BCL11B: variants seen among roughly 807,000 people sequenced by gnomAD.
BCL11B encodes B-cell lymphoma/leukemia 11B.
In BCL11B, 8 loss-of-function variants were observed where a neutral mutation model predicts 49.9. The ratio of observed to expected loss-of-function variants is 0.16; its 90% confidence interval spans 0.09 to 0.29. BCL11B has a LOEUF of 0.29. BCL11B is among the 10% of genes least tolerant of loss of function. The pLI is 1.00. For synonymous variants in BCL11B, 739 were observed against 637.4 expected, an observed-to-expected ratio of 1.16 and a Z score of -2.40; for missense variants, 1,006 against 1,351.0, an observed-to-expected ratio of 0.74 and a Z score of 4.00.
chr14:99,202,554 T>A lies in BCL11B; in HGVS notation c.641-26359A>T, dbSNP rs984771467. ...AATGACAAACAAGACAGCTTCCTCCTGAAGCCATGCGCAAGGCAACGCAAG... is the reference window on the plus strand; with the variant it reads ...AATGACAAACAAGACAGCTTCCTCCAGAAGCCATGCGCAAGGCAACGCAAG... On this transcript the variant is annotated intron_variant, in intron 3 of 3. Transcript: ENST00000357195. 5.3e-5 allele frequency among the ~76,000 whole-genome samples: 8 copies of A among 152,178 alleles called. No individual in the cohort carries two copies. In the South Asian group the frequency reaches 1.0e-3, roughly 20 times the overall value.
chr14:99,217,387 C>CACACACACACATACAG (rs760918347), intron 3 of BCL11B, among the ~76,000 whole-genome samples: 3,392 of 122,830 alleles, frequency 0.028, 45 homozygotes, highest in Non-Finnish European at 0.044. Flanking sequence ...CACATACAGA[C>CACACACACACATACAG]ACACACACAC....
At chr14:99,249,970 T>TA in intron 2 of BCL11B, among the ~76,000 whole-genome samples, 1 of 149,368 alleles carries the variant, frequency 6.7e-6, no homozygotes, top group African/African-American at 2.5e-5. Context: ...TCACTAAAAC[T>TA]ACAAAAATTA....
intron 1 of BCL11B, among the ~76,000 whole-genome samples, chr14:99,268,379 G>C (rs894943928): frequency 1.3e-5 from 2 of 152,094 alleles, no homozygotes; most frequent in Non-Finnish European, 2.9e-5. Flanking sequence ...ATCCCTGAAG[G>C]ACCTGAGGTT....
intron 2 of BCL11B, among the ~76,000 whole-genome samples, chr14:99,236,341 G>C (rs1888498029): frequency 6.6e-6 from 1 of 152,094 alleles, no homozygotes; most frequent in Admixed American, 6.5e-5. Flanking sequence ...GAGCGTGAGG[G>C]GGAAAAGAAA....
chr14:99,235,593 T>C (rs1888471861), intron 2 of BCL11B, among the ~76,000 whole-genome samples: 1 of 152,248 alleles, frequency 6.6e-6, no homozygotes, highest in East Asian at 1.9e-4. Context: ...AATATTCATC[T>C]CTGAGGCTCA....
rs1457357583 is a variant in BCL11B at position 99,174,044 on chromosome 14, G to A, written c.*107C>T. 13 of 1,179,292 alleles carry A rather than the reference G, an allele frequency of 1.1e-5. No homozygotes were observed. Among genetic ancestry groups the A allele is most frequent in the Admixed American group, 4.4e-5 (2 of 45,022 alleles). The allele number at this position is 1,179,292 out of a possible 1,614,324, so 73.1% of individuals were successfully genotyped here. On this transcript the variant is annotated 3_prime_UTR_variant, in exon 4 of 4. Transcript: ENST00000357195. ...AGTGCCGCCTCCCCTGGGCCCCGGG[G>A]ACACGCGGGGTGCGGGGTGGCGGTG...
chr14:99,250,383 G>A (rs980235022), intron 2 of BCL11B, among the ~76,000 whole-genome samples: 1 of 151,996 alleles, frequency 6.6e-6, no homozygotes, highest in African/African-American at 2.4e-5. Context: ...AGCTGAGATC[G>A]CGCCCTTGCA....
chr14:99,217,193 T>C (rs1331411027), intron 3 of BCL11B, among the ~76,000 whole-genome samples: 2 of 152,176 alleles, frequency 1.3e-5, no homozygotes, highest in African/African-American at 4.8e-5. Flanking sequence ...CTCACATGTA[T>C]ACACATGCAT....
At chr14:99,227,749 G>A (rs765799249) in intron 3 of BCL11B, among the ~76,000 whole-genome samples, 1 of 152,206 alleles carries the variant, frequency 6.6e-6, no homozygotes, top group Non-Finnish European at 1.5e-5. Flanking sequence ...CCCCTGGCCA[G>A]CTGAAGCACA....
chr14:99,265,665 A>T (rs1309272986), intron 1 of BCL11B, among the ~76,000 whole-genome samples: 1 of 152,218 alleles, frequency 6.6e-6, no homozygotes, highest in Non-Finnish European at 1.5e-5. Context: ...TGAGTGGTCC[A>T]GTGAGCTCGC....
chr14:99,219,019 C>T (rs1166639252), intron 3 of BCL11B, among the ~76,000 whole-genome samples: 1 of 151,146 alleles, frequency 6.6e-6, no homozygotes, highest in African/African-American at 2.4e-5. Context: ...TGAGAAAATA[C>T]ATTTCTTTTC....
chr14:99,260,445 T>G (rs1480999548), intron 1 of BCL11B, among the ~76,000 whole-genome samples: 2 of 152,172 alleles, frequency 1.3e-5, no homozygotes, highest in Non-Finnish European at 2.9e-5. Context: ...CCCTCCTGAG[T>G]AGGAGTTCTA....
intron 3 of BCL11B, among the ~76,000 whole-genome samples, chr14:99,190,674 G>A (rs2139795985): frequency 6.6e-6 from 1 of 152,302 alleles, no homozygotes; most frequent in South Asian, 2.1e-4. Flanking sequence ...AACACACACT[G>A]CCAAAACCAC....
chr14:99,203,349 T>C (rs1371070038), intron 3 of BCL11B, among the ~76,000 whole-genome samples: 1 of 152,186 alleles, frequency 6.6e-6, no homozygotes, highest in African/African-American at 2.4e-5. Context: ...TGAAAAGATC[T>C]CACTTGACCC....
At chr14:99,176,638 A>G (rs1886542975) in intron 3 of BCL11B, among the ~76,000 whole-genome samples, 1 of 152,204 alleles carries the variant, frequency 6.6e-6, no homozygotes, top group East Asian at 1.9e-4. Flanking sequence ...AGGGCTTCTC[A>G]GTCAAGGCAC....
chr14:99,217,917 C>G (rs1424143936), intron 3 of BCL11B, among the ~76,000 whole-genome samples: 3 of 152,162 alleles, frequency 2.0e-5, no homozygotes, highest in African/African-American at 7.2e-5. Context: ...TTAAAAGATG[C>G]AAACTAAAAA....
Position 99,175,228 on chromosome 14 carries a change from C to CTCCTCG in BCL11B, c.1602_1607dup (p.Asp534_Glu535dup). 6.5e-7 allele frequency: 1 copy of CTCCTCG among 1,548,980 alleles called. No individual in the cohort carries two copies. Among genetic ancestry groups the CTCCTCG allele is most frequent in the Non-Finnish European group, 8.7e-7 (1 of 1,150,070 alleles). ...GCAGCTCCTCCTCCTCCTCCTCCTC[C>CTCCTCG]TCCTCGTCCTCCTCCTCCGGCTCGT... is the stretch of plus-strand genomic sequence containing the variant. On this transcript the variant is annotated inframe_insertion, in exon 4 of 4. Coordinates refer to ENST00000357195, the MANE Select transcript of BCL11B (RefSeq NM_138576.4).
At chr14:99,252,420 T>A (rs1035508421) in intron 2 of BCL11B, among the ~76,000 whole-genome samples, 1 of 152,232 alleles carries the variant, frequency 6.6e-6, no homozygotes, top group Non-Finnish European at 1.5e-5. Context: ...TTATTTTATT[T>A]ATTTTTAAAA....
intron 3 of BCL11B, among the ~76,000 whole-genome samples, chr14:99,181,272 A>AG (rs979055949): frequency 2.0e-5 from 3 of 152,206 alleles, no homozygotes; most frequent in Admixed American, 2.0e-4. Context: ...CTGGCTTTAC[A>AG]GGCCCCTCTA....
Sources: gnomAD v4.1 joint callset for allele counts (sites outside exome capture counted in the v4.1 genomes callset) on GRCh38, gnomAD v4.1.1 for gene constraint, MANE v1.5 for transcripts, NCBI Gene and HGNC (gene_info 2026-07-23, HGNC 2026-07-21) for gene names.